The following TLN2 variants were observed in gnomAD, a reference collection of about 807,000 sequenced individuals.
TLN2 encodes talin 2.
Under a neutral mutation model 294.7 loss-of-function variants are expected in TLN2, and 118 were observed. The ratio of observed to expected loss-of-function variants is 0.40; its 90% CI spans 0.34 to 0.47. The LOEUF (loss-of-function observed/expected upper bound fraction) is 0.47. Ranked by LOEUF, TLN2 falls within the 20% of genes least tolerant of loss-of-function variation. The pLI is 0.84. For missense variants in TLN2, 3,083 were observed against 3,282.2 expected, an observed-to-expected ratio of 0.94 and a Z score of 1.48; for synonymous variants, 1,431 against 1,304.5, an observed-to-expected ratio of 1.10 and a Z score of -2.09.
chr15:62,691,838 TAAAAAA>T (rs879805197), intron 12 of TLN2, among the ~76,000 whole-genome samples: 1 of 145,522 alleles, frequency 6.9e-6, no homozygotes. Context: ...CCTGGCTAAT[TAAAAAA>T]AAAAAAATTT....
chr15:62,613,130 A>G (rs1467077667), intron 2 of TLN2, among the ~76,000 whole-genome samples: 1 of 152,180 alleles, frequency 6.6e-6, no homozygotes, highest in African/African-American at 2.4e-5. Flanking sequence ...CTTGCCTGTG[A>G]AATGGATTTG....
intron 28 of TLN2, among the ~76,000 whole-genome samples, chr15:62,731,025 A>G (rs927396308): frequency 6.6e-6 from 1 of 151,734 alleles, no homozygotes; most frequent in African/African-American, 2.4e-5. Context: ...TCCGCTTTTG[A>G]TCTATCTTCC....
At chr15:62,695,843 C>G (rs970370162) in intron 14 of TLN2, among the ~76,000 whole-genome samples, 1 of 152,196 alleles carries the variant, frequency 6.6e-6, no homozygotes, top group African/African-American at 2.4e-5. Context: ...ATCTGCGTCA[C>G]TTCAGAGGAC....
chr15:62,703,324 A>G (rs958692357), intron 19 of TLN2, among the ~76,000 whole-genome samples: 3 of 151,952 alleles, frequency 2.0e-5, no homozygotes, highest in Admixed American at 6.6e-5. Context: ...GCTGGTCTCG[A>G]ACTTTGACCT....
At chr15:62,470,714 C>T (rs563036036) in intron 1 of TLN2, among the ~76,000 whole-genome samples, 2 of 152,170 alleles carry the variant, frequency 1.3e-5, no homozygotes, top group Non-Finnish European at 2.9e-5. Flanking sequence ...TGTTACCCAC[C>T]GAGCCAGTGC....
rs377019005 is a variant in TLN2 at position 62,784,321 on chromosome 15, C to G, written c.5736+431C>G. The G allele has an allele frequency of 2.4e-5, 6 of 248,254 alleles. No homozygotes were observed. The South Asian group carries it at 1.0e-3, about 42-fold the overall frequency. 15.4% of individuals were successfully genotyped at this position (248,254 alleles called of 1,614,324 possible). Reference sequence around the variant, plus strand: ...TCAAGTATGAAAATTAGCTATCCCTCTCCCTCGAAAGAGCTACTTTCATGA... The same window carrying G: ...TCAAGTATGAAAATTAGCTATCCCTGTCCCTCGAAAGAGCTACTTTCATGA... On this transcript the variant is annotated intron_variant, in intron 45 of 58. Coordinates refer to ENST00000636159, the MANE Select transcript of TLN2 (RefSeq NM_015059.3).
At chr15:62,596,403 T>C (rs757577766) in intron 2 of TLN2, among the ~76,000 whole-genome samples, 2 of 152,176 alleles carry the variant, frequency 1.3e-5, no homozygotes, top group African/African-American at 2.4e-5. Flanking sequence ...AATGACACAT[T>C]ATAGCATGTT....
intron 1 of TLN2, among the ~76,000 whole-genome samples, chr15:62,441,774 A>T (rs1395417546): frequency 6.6e-6 from 1 of 152,216 alleles, no homozygotes; most frequent in Non-Finnish European, 1.5e-5. Flanking sequence ...ATGGCCAATG[A>T]TGTGATCAGT....
Position 62,717,503 on chromosome 15 carries a change from G to A in TLN2, c.2764-73G>A, listed in dbSNP as rs567732210. The A allele has an allele frequency of 7.8e-5, 83 of 1,065,082 alleles. 2 individuals are homozygous for A. In the South Asian group the frequency reaches 1.8e-3, roughly 23 times the overall value. The allele number at this position is 1,065,082 out of a possible 1,614,324, so 66.0% of individuals were successfully genotyped here. On this transcript the variant is annotated intron_variant, in intron 23 of 58. Coordinates refer to ENST00000636159, the MANE Select transcript of TLN2 (RefSeq NM_015059.3). ...AGCCACAAACCTGTCCTGACTCTGT[G>A]GTGGAAGTGACCTGTAGAACATGCA...
chr15:62,472,129 C>G (rs1384673057), intron 1 of TLN2, among the ~76,000 whole-genome samples: 1 of 152,150 alleles, frequency 6.6e-6, no homozygotes, highest in Non-Finnish European at 1.5e-5. Context: ...GAGTCAGTCC[C>G]AAGGACTGAT....
chr15:62,421,456 A>G (rs917421830), intron 1 of TLN2, among the ~76,000 whole-genome samples: 1 of 152,208 alleles, frequency 6.6e-6, no homozygotes, highest in African/African-American at 2.4e-5. Flanking sequence ...TGTATAAGGA[A>G]CTTAAAATGA....
At chr15:62,453,648 G>C (rs986038412) in intron 1 of TLN2, 4 of 152,296 alleles carry the variant, frequency 2.6e-5, no homozygotes, top group Middle Eastern at 6.8e-3. Flanking sequence ...AATGCAGTCA[G>C]CTGTCCTCGA....
At chr15:62,406,606 A>G (rs1352459872) in intron 1 of TLN2, among the ~76,000 whole-genome samples, 2 of 152,214 alleles carry the variant, frequency 1.3e-5, no homozygotes, top group Non-Finnish European at 2.9e-5. Context: ...GGGAAGGGTT[A>G]GTAACTTTTG....
chr15:62,695,092 G>T (rs925395165), intron 14 of TLN2, among the ~76,000 whole-genome samples: 9 of 152,082 alleles, frequency 5.9e-5, no homozygotes, highest in African/African-American at 1.7e-4. Context: ...TAAATTCATG[G>T]TATTCTTAAT....
At chr15:62,839,119 T>G in intron 58 of TLN2, 138 bp downstream of exon 58, 1 of 1,251,472 alleles carries the variant, frequency 8.0e-7, no homozygotes, top group Non-Finnish European at 1.1e-6. Flanking sequence ...TTCCTTCATG[T>G]CTGAGAGCCA....
intron 7 of TLN2, among the ~76,000 whole-genome samples, chr15:62,654,820 G>C (rs56376861): frequency 6.9e-6 from 1 of 145,144 alleles, no homozygotes; most frequent in Non-Finnish European, 1.5e-5. Context: ...ATTTTCTACA[G>C]CCACACAGTT....
chr15:62,818,602 C>G (rs1339865039), intron 52 of TLN2, among the ~76,000 whole-genome samples: 1 of 152,132 alleles, frequency 6.6e-6, no homozygotes, highest in Non-Finnish European at 1.5e-5. Flanking sequence ...AACTTTTGAA[C>G]TAATTCAAAA....
At chr15:62,668,543 C>A (rs1016702261) in intron 9 of TLN2, among the ~76,000 whole-genome samples, 1 of 152,140 alleles carries the variant, frequency 6.6e-6, no homozygotes, top group African/African-American at 2.4e-5. Context: ...TTATTTTATT[C>A]CACAGGGTCT....
At chr15:62,390,840 A>C (rs934854913) in intron 1 of TLN2, among the ~76,000 whole-genome samples, 155 bp downstream of exon 1, 1 of 151,790 alleles carries the variant, frequency 6.6e-6, no homozygotes, top group Non-Finnish European at 1.5e-5. Context: ...TGCAGGAAAA[A>C]CCCGTAAAGC....
Sources: gnomAD v4.1 joint callset for allele counts (sites outside exome capture counted in the v4.1 genomes callset) on GRCh38, gnomAD v4.1.1 for gene constraint, MANE v1.5 for transcripts, NCBI Gene and HGNC (gene_info 2026-07-23, HGNC 2026-07-21) for gene names.